Variants in MIB1 observed in about 807,000 individuals in gnomAD.
MIB1 encodes MIB E3 ubiquitin protein ligase 1, also known as E3 ubiquitin-protein ligase MIB1.
In MIB1, 278 loss-of-function variants were observed where a neutral mutation model predicts 124.5. The ratio of observed to expected loss-of-function variants is 2.23; its 90% CI spans 2.02 to 2.47. The LOEUF (loss-of-function observed/expected upper bound fraction) is 2.47. Among genes scored for constraint, MIB1 ranks in the 30% most tolerant of loss-of-function variants. The pLI, the probability that MIB1 is intolerant of heterozygous loss-of-function variation, is 0.00. For missense variants in MIB1, 957 were observed against 1,254.4 expected (o/e 0.76, Z 3.58); for synonymous variants, 446 against 429.4 (o/e 1.04, Z -0.48).
At chr18:21,758,447 G>T (rs1357617189) in intron 1 of MIB1, among the ~76,000 whole-genome samples, 1 of 152,136 alleles carries the variant, frequency 6.6e-6, no homozygotes, top group African/African-American at 2.4e-5. Context: ...AAAGTTGAAT[G>T]AATCCATAAA....
chr18:21,827,846 A>C (rs974858767), intron 12 of MIB1: 1 of 152,010 alleles, frequency 6.6e-6, no homozygotes, highest in African/African-American at 2.4e-5. Context: ...AAACTTAGTC[A>C]TTTCCATTCA....
chr18:21,773,509 C>T, intron 3 of MIB1, 115 bp from the exon 4 acceptor site: 1 of 670,276 alleles, frequency 1.5e-6, no homozygotes, highest in Non-Finnish European at 2.5e-6. Flanking sequence ...TTTCATGATC[C>T]TGTTACACAG....
At chr18:21,836,493 C>A (rs906644026) in intron 12 of MIB1, among the ~76,000 whole-genome samples, 4 of 152,040 alleles carry the variant, frequency 2.6e-5, no homozygotes, top group African/African-American at 9.7e-5. Flanking sequence ...CCCTCCTTAC[C>A]CCTTTTTTGT....
chr18:21,844,916 C>T (rs150057631), intron 15 of MIB1, among the ~76,000 whole-genome samples: 16 of 152,120 alleles, frequency 1.1e-4, no homozygotes, highest in African/African-American at 3.4e-4. Flanking sequence ...TGTTTTCTTA[C>T]TACTGAGTTT....
chr18:21,822,060 C>T (rs1208099527), intron 12 of MIB1, among the ~76,000 whole-genome samples: 2 of 152,152 alleles, frequency 1.3e-5, no homozygotes, highest in African/African-American at 4.8e-5. Context: ...GTTAGTCTTA[C>T]TTTGACAGTG....
intron 14 of MIB1, among the ~76,000 whole-genome samples, chr18:21,843,794 A>T (rs956736805): frequency 6.6e-6 from 1 of 152,228 alleles, no homozygotes; most frequent in Non-Finnish European, 1.5e-5. Flanking sequence ...TTGAAAAGAG[A>T]AATAAAGTCC....
chr18:21,815,833 A>G lies in MIB1; in HGVS notation c.1677+20A>G. On this transcript the variant is annotated intron_variant, in intron 11 of 20. Transcript: ENST00000261537. ...CTCCAGGTAAAACCTTTAAAGAAAC[A>G]CATCCTGCAGGTATTGCTAGGATCC... 6.2e-7 allele frequency: 1 copy of G among 1,605,258 alleles called. No individual in the cohort carries two copies.
intron 5 of MIB1, 132 bp from the exon 6 acceptor site, chr18:21,779,349 G>T: frequency 2.9e-6 from 2 of 687,566 alleles, no homozygotes; most frequent in African/African-American, 1.8e-5. Context: ...ATACTTATAG[G>T]GAATTCTCAA....
chr18:21,840,659 ATATATATTTTTT>A (rs1195584707), intron 13 of MIB1, among the ~76,000 whole-genome samples: 14 of 1,668 alleles, frequency 8.4e-3, no homozygotes, highest in Admixed American at 0.075. Flanking sequence ...ATATATATAT[ATATATATTTTTT>A]TTTTTTTTTA....
rs775077310 is a variant in MIB1, at chr18:21,779,548, C to T, written c.771C>T (p.Asp257=). Residue 257 remains aspartate, a synonymous_variant, in exon 6 of 21, where the codon GAC becomes GAT. Coordinates refer to ENST00000261537, the MANE Select transcript of MIB1 (RefSeq NM_020774.4). ...QIGDLVNIDL[D]LEIVQSLQHG... is the part of the protein sequence containing the mutation. ...GTGACCTGGTAAATATAGATCTCGA[C>T]CTCGAAATTGTACAGTCTTTGCAGC... 7 of 1,613,890 alleles carry T rather than the reference C, an allele frequency of 4.3e-6. No individual in the cohort carries two copies. Among genetic ancestry groups the T allele is most frequent in the Non-Finnish European group, 5.1e-6 (6 of 1,179,986 alleles).
chr18:21,718,670 G>C (rs914188193), intron 1 of MIB1, among the ~76,000 whole-genome samples: 2 of 152,190 alleles, frequency 1.3e-5, no homozygotes, highest in African/African-American at 4.8e-5. Flanking sequence ...GAGTTCTTAC[G>C]CATCAATAGT....
intron 20 of MIB1, among the ~76,000 whole-genome samples, chr18:21,862,822 C>T (rs1423018464): frequency 6.6e-6 from 1 of 152,218 alleles, no homozygotes; most frequent in Non-Finnish European, 1.5e-5. Flanking sequence ...TTCTCAGCTA[C>T]TTCTCAGCAC....
rs1270832784 is a variant in MIB1, at chr18:21,868,307, TGACTCC to T, written c.*3642_*3647del. On this transcript the variant is annotated 3_prime_UTR_variant, in exon 21 of 21. Coordinates refer to ENST00000261537, the MANE Select transcript of MIB1 (RefSeq NM_020774.4). ...TTTTCTCCTCAGTGGAATAGAATTT[TGACTCC>T]ATATAAATCAAGAAACACCTAAATT... is the stretch of plus-strand genomic sequence containing the variant. 6.6e-6 allele frequency: 1 copy of T among 152,630 alleles called. No individual in the cohort carries two copies. Among genetic ancestry groups the T allele is most frequent in the East Asian group, 1.9e-4 (1 of 5,196 alleles). The allele number at this position is 152,630 out of a possible 1,614,324, so 9.5% of individuals were successfully genotyped here.
chr18:21,784,445 A>C (rs754743278), intron 6 of MIB1, among the ~76,000 whole-genome samples: 5 of 152,196 alleles, frequency 3.3e-5, no homozygotes, highest in Non-Finnish European at 1.5e-5. Flanking sequence ...CAAGCCACCT[A>C]GTTGCCAAGG....
chr18:21,865,202 G>A lies in MIB1; in HGVS notation c.*536G>A, dbSNP rs2042311321. Reference sequence around the variant, plus strand: ...GATGATTCTTTTTTTAAGATAACAGGAAGTTACCCACATGTTTGTTTCTGA... The same window carrying A: ...GATGATTCTTTTTTTAAGATAACAGAAAGTTACCCACATGTTTGTTTCTGA... On this transcript the variant is annotated 3_prime_UTR_variant, in exon 21 of 21. Transcript: ENST00000261537. 1 of 152,172 alleles carries A rather than the reference G, an allele frequency of 6.6e-6. No individual in the cohort carries two copies. The highest frequency in any genetic ancestry group is 1.5e-5 in the Non-Finnish European group (1 of 68,012). The allele number at this position is 152,172 out of a possible 1,614,324, so 9.4% of individuals were successfully genotyped here. A position where few individuals can be genotyped will look rare whatever the true frequency, so the allele number is the denominator to read the frequency against.
At chr18:21,764,115 A>G (rs2041129436) in intron 1 of MIB1, among the ~76,000 whole-genome samples, 1 of 152,154 alleles carries the variant, frequency 6.6e-6, no homozygotes, top group African/African-American at 2.4e-5. Context: ...CCTACAGTCA[A>G]GCATTTATGT....
At chr18:21,717,247 A>G (rs2146355868) in intron 1 of MIB1, among the ~76,000 whole-genome samples, 1 of 152,364 alleles carries the variant, frequency 6.6e-6, no homozygotes, top group African/African-American at 2.4e-5. Context: ...AATCTACTCA[A>G]GATGGATTAA....
At chr18:21,809,755 A>G (rs1162173623) in intron 10 of MIB1, among the ~76,000 whole-genome samples, 3 of 152,094 alleles carry the variant, frequency 2.0e-5, no homozygotes, top group East Asian at 1.9e-4. Context: ...AATTACCTCA[A>G]TGTAATAAAA....
Position 21,706,075 on chromosome 18 carries a change from C to T in MIB1, n.167+952C>T, listed in dbSNP as rs546151547. ...ATGCGTATTTCAGTTTAAGTTTGTTCTGTTTTGTTTTGTTTTGTTTTTTGA... is the reference window on the plus strand; with the variant it reads ...ATGCGTATTTCAGTTTAAGTTTGTTTTGTTTTGTTTTGTTTTGTTTTTTGA... On this transcript the variant is annotated intron_variant and non_coding_transcript_variant, in intron 1 of 20. Coordinates refer to the MIB1 transcript ENST00000578646. Among the ~76,000 whole-genome samples, 94 of 152,178 alleles carry T rather than the reference C, an allele frequency of 6.2e-4. 1 individual carries two copies. The South Asian group carries it at 0.019, about 31-fold the overall frequency.
Sources: gnomAD v4.1 joint callset for allele counts (sites outside exome capture counted in the v4.1 genomes callset) on GRCh38, gnomAD v4.1.1 for gene constraint, MANE v1.5 for transcripts, NCBI Gene and HGNC (gene_info 2026-07-23, HGNC 2026-07-21) for gene names.